The following PLCB1 variants were observed in gnomAD, a reference collection of about 807,000 sequenced individuals.
The protein encoded by PLCB1 is 1-phosphatidylinositol 4,5-bisphosphate phosphodiesterase beta-1.
PLCB1 carries 46 observed loss-of-function variants against 161.8 expected under a neutral mutation model. That is an observed-to-expected ratio of 0.28 (90% CI 0.22 to 0.36). PLCB1 has a LOEUF of 0.36. PLCB1 is among the 10% of genes least tolerant of loss of function. The pLI is 1.00. For missense variants in PLCB1, 1,016 were observed against 1,472.5 expected, an observed-to-expected ratio of 0.69 and a Z score of 5.07; for synonymous variants, 517 against 503.7, an observed-to-expected ratio of 1.03 and a Z score of -0.35.
chr20:8,679,048 G>T (rs1052212628), intron 9 of PLCB1, among the ~76,000 whole-genome samples: 1 of 152,156 alleles, frequency 6.6e-6, no homozygotes, highest in African/African-American at 2.4e-5. Flanking sequence ...GAAAGGCAAT[G>T]CTCTGATGGA....
chr20:8,391,777 A>G (rs62195927), intron 3 of PLCB1, among the ~76,000 whole-genome samples: 8,447 of 50,612 alleles, frequency 0.17, 530 homozygotes, highest in African/African-American at 0.29. Flanking sequence ...ATATATATAT[A>G]TGTGTGTGTA....
intron 31 of PLCB1, among the ~76,000 whole-genome samples, chr20:8,807,590 A>G (rs546789767): frequency 6.6e-6 from 1 of 152,032 alleles, no homozygotes; most frequent in East Asian, 1.9e-4. Flanking sequence ...AATTCAACCA[A>G]TAGTTATTAA....
At chr20:8,835,777 G>A (rs900539667) in intron 31 of PLCB1, among the ~76,000 whole-genome samples, 19 of 151,580 alleles carry the variant, frequency 1.3e-4, no homozygotes, top group African/African-American at 3.9e-4. Context: ...CAAAGCAGAC[G>A]ACTCTAACTT....
intron 31 of PLCB1, among the ~76,000 whole-genome samples, chr20:8,859,957 A>G (rs781201134): frequency 4.6e-5 from 7 of 152,078 alleles, no homozygotes; most frequent in Non-Finnish European, 1.0e-4. Flanking sequence ...CATTCTAGGG[A>G]GTCATTGAGA....
intron 2 of PLCB1, among the ~76,000 whole-genome samples, chr20:8,292,773 A>G (rs1318733047): frequency 6.6e-6 from 1 of 152,208 alleles, no homozygotes; most frequent in Non-Finnish European, 1.5e-5. Context: ...CTCAACTCCT[A>G]TGGCTCAATG....
At chr20:8,679,416 G>T (rs1990162503) in intron 9 of PLCB1, among the ~76,000 whole-genome samples, 1 of 152,178 alleles carries the variant, frequency 6.6e-6, no homozygotes, top group Admixed American at 6.5e-5. Context: ...CAAGGCCAAT[G>T]GGATGGCCCT....
At chr20:8,702,934 T>A (rs1009688207) in intron 11 of PLCB1, among the ~76,000 whole-genome samples, 34 of 151,964 alleles carry the variant, frequency 2.2e-4, no homozygotes, top group Non-Finnish European at 2.1e-4. Context: ...AATTTAGTAA[T>A]TTTTTTTGCT....
In PLCB1 at chr20:8,236,480, C is replaced by T. The variant is rs554453742; in HGVS notation, c.177+86109C>T. Among the ~76,000 whole-genome samples, 35 of 152,116 alleles carry T rather than the reference C, an allele frequency of 2.3e-4. No individual in the cohort carries two copies. The South Asian group carries it at 7.3e-3, about 32-fold the overall frequency. ...CCCAGGAGTTTGAGGTTGCAGTAAA[C>T]TATAATCTCACAACTGCACTCCAGC... On this transcript the variant is annotated intron_variant, in intron 2 of 31. Transcript: ENST00000338037.
intron 1 of PLCB1, among the ~76,000 whole-genome samples, chr20:8,136,849 C>G (rs895336066): frequency 2.6e-5 from 4 of 152,032 alleles, no homozygotes; most frequent in Non-Finnish European, 5.9e-5. Flanking sequence ...AAAATAAGTA[C>G]GTAATTTAGA....
intron 31 of PLCB1, among the ~76,000 whole-genome samples, chr20:8,807,688 G>A (rs6039279): frequency 0.095 from 14,470 of 151,756 alleles, 1,986 homozygotes; most frequent in African/African-American, 0.3. Context: ...TTATAGTATA[G>A]TGCTATCCAA....
At chr20:8,498,207 C>A (rs1019905319) in intron 3 of PLCB1, among the ~76,000 whole-genome samples, 2 of 152,188 alleles carry the variant, frequency 1.3e-5, no homozygotes, top group Non-Finnish European at 2.9e-5. Flanking sequence ...AAGTGATTCA[C>A]CTGCCCTAGC....
chr20:8,472,776 A>C (rs528291166), intron 3 of PLCB1, among the ~76,000 whole-genome samples: 2 of 152,200 alleles, frequency 1.3e-5, no homozygotes, highest in Non-Finnish European at 2.9e-5. Context: ...CGATTATGAA[A>C]ATATGATGCA....
intron 3 of PLCB1, among the ~76,000 whole-genome samples, chr20:8,380,667 G>A (rs527654679): frequency 5.9e-5 from 9 of 152,136 alleles, no homozygotes; most frequent in South Asian, 2.1e-4. Flanking sequence ...CACATCCCTC[G>A]TTAGCTGTAT....
At chr20:8,191,076 GCTGAATAC>G (rs1224692346) in intron 2 of PLCB1, among the ~76,000 whole-genome samples, 2 of 151,982 alleles carry the variant, frequency 1.3e-5, no homozygotes, top group Non-Finnish European at 2.9e-5. Context: ...AGGATTTTGA[GCTGAATAC>G]CTTTATGGTT....
chr20:8,856,444 TGTC>T (rs1469885123), intron 31 of PLCB1, among the ~76,000 whole-genome samples: 1 of 151,954 alleles, frequency 6.6e-6, no homozygotes, highest in African/African-American at 2.4e-5. Flanking sequence ...GATAAAACCC[TGTC>T]TATACTAAAA....
chr20:8,682,977 A>G (rs1990258711), intron 9 of PLCB1, among the ~76,000 whole-genome samples: 1 of 152,154 alleles, frequency 6.6e-6, no homozygotes, highest in Admixed American at 6.5e-5. Context: ...AAAAAATTAG[A>G]AACAACTTTA....
Position 8,274,296 on chromosome 20 carries a change from A to G in PLCB1, c.178-97086A>G, listed in dbSNP as rs558039087. Among the ~76,000 whole-genome samples, 3 of 152,292 alleles carry G rather than the reference A, an allele frequency of 2.0e-5. No homozygotes were observed. The East Asian group carries it at 5.8e-4, about 29-fold the overall frequency. ...TAACATCATTTTAAATATACATGCA[A>G]TTATCAATATAGATAAAAGCATATA... On this transcript the variant is annotated intron_variant, in intron 2 of 31. Transcript: ENST00000338037.
At chr20:8,496,329 C>CAAAAAAAAAAAAA (rs71331309) in intron 3 of PLCB1, among the ~76,000 whole-genome samples, 3 of 91,998 alleles carry the variant, frequency 3.3e-5, no homozygotes, top group African/African-American at 1.1e-4. Flanking sequence ...CCCATCTCTG[C>CAAAAAAAAAAAAA]AAAAAAAAAA....
At chr20:8,431,774 G>T (rs1980052772) in intron 3 of PLCB1, among the ~76,000 whole-genome samples, 1 of 152,152 alleles carries the variant, frequency 6.6e-6, no homozygotes, top group Admixed American at 6.5e-5. Flanking sequence ...TTTTATGTGA[G>T]AATCTTATAA....
Sources: allele counts gnomAD v4.1 joint callset (sites outside exome capture counted in the v4.1 genomes callset), GRCh38; gene constraint gnomAD v4.1.1; transcripts MANE v1.5; gene names NCBI Gene and HGNC (gene_info 2026-07-23, HGNC 2026-07-21).